Variants in TTC7B observed in about 807,000 individuals in gnomAD.
TTC7B encodes tetratricopeptide repeat protein 7B.
A neutral mutation model predicts 106.8 loss-of-function variants in TTC7B; 28 were observed. That is an observed-to-expected ratio of 0.26 (90% CI 0.19 to 0.36). TTC7B has a LOEUF of 0.36. Among genes scored for constraint, TTC7B ranks in the 10% least tolerant of loss-of-function variants. The pLI, the probability that TTC7B is intolerant of heterozygous loss-of-function variation, is 1.00. For missense variants in TTC7B, 862 were observed against 1,076.4 expected (o/e 0.80, Z 2.79); for synonymous variants, 405 against 430.6 (o/e 0.94, Z 0.74).
At chr14:90,771,367 G>A (rs995118981) in intron 3 of TTC7B, among the ~76,000 whole-genome samples, 1 of 152,112 alleles carries the variant, frequency 6.6e-6, no homozygotes, top group Non-Finnish European at 1.5e-5. Context: ...AGGTCAAGGC[G>A]GGAGGCTCGC....
Position 90,757,041 on chromosome 14 carries a change from G to A in TTC7B, c.446-12119C>T, listed in dbSNP as rs1890326597. On this transcript the variant is annotated intron_variant, in intron 3 of 19. Transcript: ENST00000328459. The surrounding 1 kb of genome is among the most constrained non-coding windows in gnomAD (Gnocchi z 4.1). ...CCATGAGCAGAATCCAGAATGGGAA[G>A]AGGCAGAAGAGATCATGGAGTCAGA... 6.6e-6 allele frequency among the ~76,000 whole-genome samples: 1 copy of A among 152,174 alleles called. No homozygotes were observed. Among genetic ancestry groups the A allele is most frequent in the African/African-American group, 2.4e-5 (1 of 41,440 alleles).
chr14:90,733,205 T>C (rs1205123415), intron 4 of TTC7B, among the ~76,000 whole-genome samples: 1 of 152,074 alleles, frequency 6.6e-6, no homozygotes, highest in Non-Finnish European at 1.5e-5. Flanking sequence ...CTATCTCATG[T>C]ATTCCTCCAC....
intron 1 of TTC7B, among the ~76,000 whole-genome samples, chr14:90,799,835 T>C (rs1595045311): frequency 6.6e-6 from 1 of 152,246 alleles, no homozygotes; most frequent in South Asian, 2.1e-4. Flanking sequence ...GTTTTTTTTG[T>C]TTGTTTTTTT....
chr14:90,563,122 A>C (rs1050655980), intron 19 of TTC7B, among the ~76,000 whole-genome samples: 2 of 152,060 alleles, frequency 1.3e-5, no homozygotes, highest in Non-Finnish European at 2.9e-5. Context: ...CCAGTATTGG[A>C]CTCAAACTAC....
intron 17 of TTC7B, chr14:90,602,030 T>C (rs1892444351): frequency 4.6e-6 from 2 of 439,484 alleles, no homozygotes; most frequent in Non-Finnish European, 4.6e-6. Flanking sequence ...GGACTGCTTT[T>C]AGGCCAGAAA....
At chr14:90,601,340 T>A (rs1374818750) in intron 17 of TTC7B, among the ~76,000 whole-genome samples, 1 of 152,194 alleles carries the variant, frequency 6.6e-6, no homozygotes, top group East Asian at 1.9e-4. Context: ...GATCATGATA[T>A]ACATTCTTGA....
At chr14:90,708,964 T>C (rs974594783) in intron 5 of TTC7B, among the ~76,000 whole-genome samples, 2 of 150,752 alleles carry the variant, frequency 1.3e-5, no homozygotes, top group Non-Finnish European at 1.5e-5. Flanking sequence ...ATCAGAGAAA[T>C]GCAAATCAAA....
In TTC7B at chr14:90,541,341, C is replaced by T. The variant is rs1454164858; in HGVS notation, c.*27G>A. 8.9e-6 allele frequency: 14 copies of T among 1,571,952 alleles called. No individual in the cohort carries two copies. Among genetic ancestry groups the T allele is most frequent in the East Asian group, 2.3e-5 (1 of 43,870 alleles). On this transcript the variant is annotated 3_prime_UTR_variant, in exon 20 of 20. Coordinates refer to ENST00000328459, the MANE Select transcript of TTC7B (RefSeq NM_001010854.2). ...CCCGGCAGGGCCTCTGAGGCCTGAGCGGCAGGTGAGGCTGGCAGGCGCCTG... is the reference window on the plus strand; with the variant it reads ...CCCGGCAGGGCCTCTGAGGCCTGAGTGGCAGGTGAGGCTGGCAGGCGCCTG...
Position 90,525,983 on chromosome 14 carries a change from T to G in TTC7B, c.*15385A>C, listed in dbSNP as rs370076130. On this transcript the variant is annotated 3_prime_UTR_variant, in exon 20 of 20. Coordinates refer to ENST00000328459, the MANE Select transcript of TTC7B (RefSeq NM_001010854.2). ...AAAAAATAAAAAAAAATAAAAAAAATAAAAAAAAAAAAGAAGTCTTTGTAT... is the reference window on the plus strand; with the variant it reads ...AAAAAATAAAAAAAAATAAAAAAAAGAAAAAAAAAAAAGAAGTCTTTGTAT... The G allele has an allele frequency of 4.5e-5, 6 of 132,798 alleles. No homozygotes were observed. The highest frequency in any genetic ancestry group is 9.8e-5 in the Non-Finnish European group (6 of 60,972). The allele number at this position is 132,798 out of a possible 1,614,324, so 8.2% of individuals were successfully genotyped here.
chr14:90,682,764 C>T (rs1887104361), intron 7 of TTC7B, among the ~76,000 whole-genome samples: 1 of 152,196 alleles, frequency 6.6e-6, no homozygotes, highest in South Asian at 2.1e-4. Flanking sequence ...GGCATGAGGA[C>T]AAGCTCCCAA....
At chr14:90,736,150 CTA>C (rs36062485) in intron 4 of TTC7B, among the ~76,000 whole-genome samples, 147 of 145,800 alleles carry the variant, frequency 1.0e-3, no homozygotes, top group Non-Finnish European at 1.0e-3. Context: ...TAATTTAGAG[CTA>C]TATATATATA....
chr14:90,720,016 G>T (rs1265476416), intron 5 of TTC7B, among the ~76,000 whole-genome samples: 1 of 146,234 alleles, frequency 6.8e-6, no homozygotes, highest in Non-Finnish European at 1.5e-5. Flanking sequence ...TGAGATTTAT[G>T]CACAGACCTT....
intron 19 of TTC7B, among the ~76,000 whole-genome samples, chr14:90,562,563 G>A (rs1220656348): frequency 6.6e-6 from 1 of 152,142 alleles, no homozygotes; most frequent in Non-Finnish European, 1.5e-5. Context: ...GACATCTCTA[G>A]ACCTACCACC....
chr14:90,706,214 G>T (rs1018412526), intron 5 of TTC7B, among the ~76,000 whole-genome samples: 2 of 149,124 alleles, frequency 1.3e-5, no homozygotes, highest in African/African-American at 5.0e-5. Context: ...CCCAGGCTGG[G>T]TGCAGTGGCG....
At chr14:90,804,340 A>AAAAAG (rs540469588) in intron 1 of TTC7B, among the ~76,000 whole-genome samples, 2 of 152,074 alleles carry the variant, frequency 1.3e-5, no homozygotes, top group East Asian at 1.9e-4. Flanking sequence ...TCAAAAAAAA[A>AAAAAG]AAAAGAAAAG....
At chr14:90,793,381 A>G (rs9671382) in intron 1 of TTC7B, among the ~76,000 whole-genome samples, 107,867 of 151,448 alleles carry the variant, frequency 0.71, 42,162 homozygotes, top group Non-Finnish European at 0.87. Flanking sequence ...AAAATTAGCC[A>G]GGCGTGGTGG....
chr14:90,581,523 A>C (rs541525219), intron 18 of TTC7B, among the ~76,000 whole-genome samples: 1 of 152,286 alleles, frequency 6.6e-6, no homozygotes, highest in East Asian at 1.9e-4. Flanking sequence ...CAGTGGCAAC[A>C]CAGGGGAGCA....
rs533904314 is a variant in TTC7B, at chr14:90,724,435, G to A, written c.698+5640C>T. Among the ~76,000 whole-genome samples the A allele has an allele frequency of 7.2e-5, 11 of 152,240 alleles. No individual in the cohort carries two copies. In the South Asian group the frequency reaches 1.9e-3, roughly 26 times the overall value. On this transcript the variant is annotated intron_variant, in intron 5 of 19. Coordinates refer to ENST00000328459, the MANE Select transcript of TTC7B (RefSeq NM_001010854.2). ...ATGTAATCCCCAATGTCGGAAATGG[G>A]GCCTGGTAGGGGGTGACTGGACCGT...
chr14:90,646,665 A>G (rs1566816283), intron 14 of TTC7B: 2 of 411,714 alleles, frequency 4.9e-6, no homozygotes, highest in African/African-American at 2.0e-5. Flanking sequence ...TTCAGGGTAT[A>G]TGCCATGTGC....
Sources: gnomAD v4.1 joint callset for allele counts (sites outside exome capture counted in the v4.1 genomes callset) on GRCh38, gnomAD v4.1.1 for gene constraint, Gnocchi (gnomAD v3.1) non-coding constraint, MANE v1.5 for transcripts, NCBI Gene and HGNC (gene_info 2026-07-23, HGNC 2026-07-21) for gene names.